Variants in SPTLC2 observed in about 807,000 individuals in gnomAD.
The protein encoded by SPTLC2 is serine palmitoyltransferase long chain base subunit 2.
In SPTLC2, 21 loss-of-function variants were observed where a neutral mutation model predicts 62.0. The ratio of observed to expected loss-of-function variants is 0.34; its 90% confidence interval spans 0.24 to 0.49. The LOEUF is 0.49. Among genes scored for constraint, SPTLC2 ranks in the 20% least tolerant of loss-of-function variants. The pLI, the probability that SPTLC2 is intolerant of heterozygous loss-of-function variation, is 0.99. For synonymous variants in SPTLC2, 261 were observed against 261.8 expected (o/e 1.00, Z 0.03); for missense variants, 511 against 713.0 (o/e 0.72, Z 3.23).
intron 9 of SPTLC2, among the ~76,000 whole-genome samples, chr14:77,531,478 TCCC>T (rs1471999392): frequency 1.9e-5 from 1 of 53,418 alleles, no homozygotes; most frequent in Non-Finnish European, 3.5e-5. Context: ...CTCCTCCCCC[TCCC>T]CCTCCTCCTC....
chr14:77,598,062 T>G (rs1595013874), intron 1 of SPTLC2, among the ~76,000 whole-genome samples: 1 of 135,784 alleles, frequency 7.4e-6, no homozygotes, highest in African/African-American at 2.8e-5. Context: ...ATGGAAGTTG[T>G]GGGGAGCCGA....
chr14:77,580,013 G>C (rs1012168832), intron 2 of SPTLC2, among the ~76,000 whole-genome samples: 1 of 151,904 alleles, frequency 6.6e-6, no homozygotes, highest in African/African-American at 2.4e-5. Flanking sequence ...CTCCCCACAA[G>C]CCTCCTCCCA....
At chr14:77,533,988 G>A (rs28482839) in intron 9 of SPTLC2, among the ~76,000 whole-genome samples, 29,763 of 151,896 alleles carry the variant, frequency 0.2, 2,973 homozygotes, top group East Asian at 0.31. Context: ...GCAAAACCCC[G>A]TCTTTACAAA....
At chr14:77,550,760 C>G (rs2079551353) in intron 9 of SPTLC2, among the ~76,000 whole-genome samples, 1 of 151,450 alleles carries the variant, frequency 6.6e-6, no homozygotes, top group African/African-American at 2.4e-5. Flanking sequence ...AAAAAATGGC[C>G]AGGTGTGGTG....
intron 4 of SPTLC2, among the ~76,000 whole-genome samples, chr14:77,570,930 A>G (rs1055411435): frequency 2.6e-5 from 4 of 152,126 alleles, no homozygotes; most frequent in Non-Finnish European, 4.4e-5. Context: ...ATAAGAGACT[A>G]TGGAAGGAGG....
At chr14:77,562,109 TG>T (rs2079618022) in intron 6 of SPTLC2, among the ~76,000 whole-genome samples, 1 of 152,204 alleles carries the variant, frequency 6.6e-6, no homozygotes, top group Admixed American at 6.5e-5. Context: ...GTTAGTCTTA[TG>T]GCAAGATACA....
At chr14:77,596,301 T>C (rs113271346) in intron 2 of SPTLC2, among the ~76,000 whole-genome samples, 13,008 of 148,264 alleles carry the variant, frequency 0.088, 599 homozygotes, top group Middle Eastern at 0.2. Context: ...ACCGAGCCAC[T>C]GCACTCCAGC....
rs189274923 is a variant in SPTLC2, at chr14:77,512,953, T to C, written c.1570-550A>G. Among the ~76,000 whole-genome samples, 5 of 149,542 alleles carry C rather than the reference T, an allele frequency of 3.3e-5. No homozygotes were observed. In the Admixed American group the frequency reaches 3.4e-4, roughly 10 times the overall value. ...CTGGTCTTGAACTCCCAACCTCAAG[T>C]GATCCACCACCTTGGCCTCCCAAAG... On this transcript the variant is annotated intron_variant, in intron 11 of 11. Transcript: ENST00000216484.
chr14:77,605,971 A>G (rs1338030274), intron 1 of SPTLC2, among the ~76,000 whole-genome samples: 1 of 152,250 alleles, frequency 6.6e-6, no homozygotes, highest in African/African-American at 2.4e-5. Flanking sequence ...TATCTGCCTA[A>G]GACTGCAAAA....
intron 9 of SPTLC2, among the ~76,000 whole-genome samples, chr14:77,525,400 T>A (rs114516634): frequency 0.023 from 3,445 of 151,154 alleles, 108 homozygotes; most frequent in African/African-American, 0.08. Flanking sequence ...GAGAGTAGCC[T>A]GACCAAATGG....
chr14:77,525,734 C>G (rs564341963), intron 9 of SPTLC2, among the ~76,000 whole-genome samples: 25 of 152,048 alleles, frequency 1.6e-4, no homozygotes, highest in Non-Finnish European at 3.5e-4. Context: ...CACGGTGAAA[C>G]CCCGTCTCTA....
At chr14:77,592,963 C>T (rs768023178) in intron 2 of SPTLC2, among the ~76,000 whole-genome samples, 29 of 151,864 alleles carry the variant, frequency 1.9e-4, no homozygotes, top group Non-Finnish European at 2.5e-4. Context: ...ATTAGCTGGG[C>T]GTGGTGGTGC....
intron 1 of SPTLC2, among the ~76,000 whole-genome samples, chr14:77,606,381 G>C (rs1278834290): frequency 2.6e-5 from 4 of 151,766 alleles, no homozygotes; most frequent in African/African-American, 9.7e-5. Flanking sequence ...GACTGTGTGT[G>C]TGTGTGTGTG....
At position 77,610,905 on chromosome 14, in the gene SPTLC2, T is replaced by TTA. The variant is rs551321777; in HGVS notation, c.132+5541_132+5542dup. Among the ~76,000 whole-genome samples, 547 of 141,268 alleles carry TTA rather than the reference T, an allele frequency of 3.9e-3. 4 individuals carry two copies. The highest frequency in any genetic ancestry group is 0.014 in the Middle Eastern group (4 of 284). The allele number at this position is 141,268 out of a possible 152,430, so 92.7% of individuals were successfully genotyped here. On this transcript the variant is annotated intron_variant, in intron 1 of 11. Transcript: ENST00000216484. ...CCTCTCTCTCTGTCTCCCTCTCTCT[T>TTA]TATATATATATATTTTTATTTATTT...
At chr14:77,525,931 A>G (rs568089570) in intron 9 of SPTLC2, among the ~76,000 whole-genome samples, 4 of 152,072 alleles carry the variant, frequency 2.6e-5, no homozygotes, top group Non-Finnish European at 5.9e-5. Context: ...TAAATATATA[A>G]AAATAAAGTG....
chr14:77,562,617 CAATTTTAAGAAGAGG>C (rs1431637856), intron 5 of SPTLC2, 128 bp from the exon 6 acceptor site: 1 of 709,634 alleles, frequency 1.4e-6, no homozygotes, highest in Admixed American at 2.4e-5. Context: ...GCACAGTGAT[CAATTTTAAGAAGAGG>C]AAAAAGGTGT....
chr14:77,540,635 T>C (rs990075075), intron 9 of SPTLC2, among the ~76,000 whole-genome samples: 2 of 152,030 alleles, frequency 1.3e-5, no homozygotes, highest in African/African-American at 4.8e-5. Context: ...CCACCACACC[T>C]GGCTAATTTT....
chr14:77,567,270 CT>C (rs1354544315), intron 5 of SPTLC2, among the ~76,000 whole-genome samples: 1 of 152,136 alleles, frequency 6.6e-6, no homozygotes, highest in Non-Finnish European at 1.5e-5. Context: ...AATATAAATC[CT>C]TATGGTTGTA....
chr14:77,534,291 AAAT>A (rs993315136), intron 9 of SPTLC2, among the ~76,000 whole-genome samples: 1 of 152,130 alleles, frequency 6.6e-6, no homozygotes, highest in Non-Finnish European at 1.5e-5. Context: ...TACTCCATAT[AAAT>A]AATAGGTTTC....
Sources: gnomAD v4.1 joint callset for allele counts (sites outside exome capture counted in the v4.1 genomes callset) on GRCh38, gnomAD v4.1.1 for gene constraint, MANE v1.5 for transcripts, NCBI Gene and HGNC (gene_info 2026-07-23, HGNC 2026-07-21) for gene names.